FBXO36: variants seen among roughly 807,000 people sequenced by gnomAD.
The protein encoded by FBXO36 is F-box only protein 36.
Under a neutral mutation model 17.0 loss-of-function variants are expected in FBXO36, and 18 were observed. That is an observed-to-expected ratio of 1.06 (90% CI 0.73 to 1.57). FBXO36 has a LOEUF of 1.57. Among genes scored for constraint, FBXO36 ranks in the 40% most tolerant of loss-of-function variants. The pLI, the probability that FBXO36 is intolerant of heterozygous loss-of-function variation, is 0.00. For synonymous variants in FBXO36, 83 were observed against 85.3 expected, an observed-to-expected ratio of 0.97 and a Z score of 0.15; for missense variants, 229 against 221.9, an observed-to-expected ratio of 1.03 and a Z score of -0.20.
chr2:229,968,148 T>C (rs188354589), intron 1 of FBXO36, among the ~76,000 whole-genome samples: 27 of 151,714 alleles, frequency 1.8e-4, no homozygotes, highest in African/African-American at 5.1e-4. Context: ...ATATTTTTAA[T>C]CTGATTTGAG....
chr2:229,949,455 A>G (rs2077043500), intron 1 of FBXO36, among the ~76,000 whole-genome samples: 1 of 152,186 alleles, frequency 6.6e-6, no homozygotes, highest in Non-Finnish European at 1.5e-5. Flanking sequence ...TAGACATCAC[A>G]TGAATAGATG....
chr2:229,923,336 G>A (rs1224026680), intron 1 of FBXO36: 3 of 152,150 alleles, frequency 2.0e-5, no homozygotes, highest in African/African-American at 7.2e-5. Flanking sequence ...GTGGGCTTTT[G>A]GATGATTTAC....
chr2:229,996,791 T>C lies in FBXO36; in HGVS notation c.246T>C (p.Tyr82=). 6.2e-7 allele frequency: 1 copy of C among 1,613,276 alleles called. No individual in the cohort carries two copies. Among genetic ancestry groups the C allele is most frequent in the Non-Finnish European group, 8.5e-7 (1 of 1,179,998 alleles). Residue 82 remains tyrosine, a synonymous_variant, in exon 3 of 4, where the codon TAT becomes TAC. Transcript: ENST00000283946. ...ALIFGARILD[Y]VINLCKGKFD... is the part of the protein sequence containing the mutation. ...TATTTGGTGCAAGAATATTAGACTA[T>C]GTCATCAATTTGTGCAAAGGTAAAT...
intron 1 of FBXO36, among the ~76,000 whole-genome samples, chr2:229,955,839 C>G (rs188440041): frequency 5.3e-4 from 80 of 152,298 alleles, no homozygotes; most frequent in Admixed American, 1.2e-3. Context: ...TCTGTCATTC[C>G]TATAAGGTCA....
intron 1 of FBXO36, among the ~76,000 whole-genome samples, chr2:229,958,411 C>T (rs1044536143): frequency 2.6e-5 from 4 of 151,924 alleles, no homozygotes; most frequent in Admixed American, 6.6e-5. Context: ...GCTGGGACTA[C>T]AGGCGCCCGC....
At chr2:229,996,110 T>C (rs925006555) in intron 2 of FBXO36, among the ~76,000 whole-genome samples, 23 of 149,984 alleles carry the variant, frequency 1.5e-4, no homozygotes, top group African/African-American at 5.1e-4. Context: ...ACTCCATCTC[T>C]AAAAAAAAAT....
At chr2:229,966,182 G>C (rs893626312) in intron 1 of FBXO36, among the ~76,000 whole-genome samples, 1 of 152,174 alleles carries the variant, frequency 6.6e-6, no homozygotes, top group Non-Finnish European at 1.5e-5. Context: ...GCCTTCTTTT[G>C]AGAAGTGTCT....
chr2:229,968,146 A>G (rs2077163207), intron 1 of FBXO36, among the ~76,000 whole-genome samples: 1 of 151,612 alleles, frequency 6.6e-6, no homozygotes, highest in African/African-American at 2.4e-5. Flanking sequence ...CAATATTTTT[A>G]ATCTGATTTG....
chr2:229,954,233 G>GTTTTTTTTTTTTT (rs1283205428), intron 1 of FBXO36, among the ~76,000 whole-genome samples: 3 of 33,120 alleles, frequency 9.1e-5, no homozygotes, highest in South Asian at 1.4e-3. Flanking sequence ...AAACCCTTTG[G>GTTTTTTTTTTTTT]ATTTTTTTTT....
intron 3 of FBXO36, 97 bp downstream of exon 3, chr2:229,997,020 G>A: frequency 9.2e-7 from 1 of 1,085,084 alleles, no homozygotes; most frequent in Non-Finnish European, 1.3e-6. Flanking sequence ...CTAACTTTGT[G>A]ATGGACACTG....
intron 3 of FBXO36, 31 bp from the exon 4 acceptor site, chr2:230,010,665 G>A (rs2106221304): frequency 1.3e-6 from 2 of 1,579,442 alleles, no homozygotes; most frequent in East Asian, 2.3e-5. Flanking sequence ...CATGTGTGCT[G>A]TAACCCACCT....
chr2:229,976,244 A>T lies in FBXO36; in HGVS notation c.100A>T (p.Ile34Phe). Residue 34 changes from isoleucine to phenylalanine, a missense_variant, in exon 2 of 4, where the codon ATC becomes TTC. By Grantham distance (21) the Ile-to-Phe change is conservative. Transcript: ENST00000283946. ...YQLLVTRSQV[I>F]FRWWKISLRS... ...ATCACTTTGTATTTAATTATAGGTA[A>T]TCTTTAGATGGTGGAAGATCTCTCT... 6.3e-7 allele frequency: 1 copy of T among 1,591,588 alleles called. No individual in the cohort carries two copies. The highest frequency in any genetic ancestry group is 8.5e-7 in the Non-Finnish European group (1 of 1,170,946).
At chr2:229,970,234 T>G (rs2077173993) in intron 1 of FBXO36, among the ~76,000 whole-genome samples, 1 of 152,170 alleles carries the variant, frequency 6.6e-6, no homozygotes, top group Non-Finnish European at 1.5e-5. Flanking sequence ...AAAACTTTAT[T>G]TGGGGCCGGG....
intron 2 of FBXO36, among the ~76,000 whole-genome samples, chr2:229,995,870 G>A (rs1312217206): frequency 1.3e-5 from 2 of 151,724 alleles, no homozygotes; most frequent in Admixed American, 6.6e-5. Context: ...GGGATTATAG[G>A]GGTGAGCCTC....
chr2:229,953,836 G>A (rs992077834), intron 1 of FBXO36, among the ~76,000 whole-genome samples: 4 of 151,990 alleles, frequency 2.6e-5, no homozygotes, highest in South Asian at 2.1e-4. Context: ...GAAAGCCATT[G>A]ATTCATCTTT....
intron 1 of FBXO36, among the ~76,000 whole-genome samples, chr2:229,969,264 G>C (rs2106189057): frequency 6.6e-6 from 1 of 151,326 alleles, no homozygotes; most frequent in South Asian, 2.1e-4. Context: ...TGCCCAGGCT[G>C]GAGTGCAGTG....
chr2:229,994,633 C>T (rs996808189), intron 2 of FBXO36, among the ~76,000 whole-genome samples: 3 of 152,122 alleles, frequency 2.0e-5, no homozygotes, highest in Non-Finnish European at 4.4e-5. Flanking sequence ...GGAAGGTGGT[C>T]GCCAAATATT....
rs145944553 is a variant in FBXO36, at chr2:229,925,256, G to A, written c.96+2647G>A. On this transcript the variant is annotated intron_variant, in intron 1 of 3. Transcript: ENST00000283946. ...AAATCCACTACACTTCTACCAGTGA[G>A]AGTTAATCTCCAAGCTAATTAATTC... Among the ~76,000 whole-genome samples, 488 of 152,072 alleles carry A rather than the reference G, an allele frequency of 3.2e-3. 21 individuals carry two copies. The highest frequency in any genetic ancestry group is 0.029 in the Admixed American group (441 of 15,274).
At chr2:229,990,770 C>A (rs1282072085) in intron 2 of FBXO36, among the ~76,000 whole-genome samples, 1 of 152,088 alleles carries the variant, frequency 6.6e-6, no homozygotes, top group Non-Finnish European at 1.5e-5. Context: ...TATTTCTATT[C>A]TTTGGAACAA....
Sources: gnomAD v4.1 joint callset for allele counts (sites outside exome capture counted in the v4.1 genomes callset) on GRCh38, gnomAD v4.1.1 for gene constraint, MANE v1.5 for transcripts, NCBI Gene and HGNC (gene_info 2026-07-23, HGNC 2026-07-21) for gene names.